SCUBE1: variants seen among roughly 807,000 people sequenced by gnomAD.
SCUBE1 encodes signal peptide, CUB domain and EGF like domain containing 1, also known as signal peptide, CUB and EGF-like domain-containing protein 1.
Under a neutral mutation model 124.4 loss-of-function variants are expected in SCUBE1, and 59 were observed. The ratio of observed to expected loss-of-function variants is 0.47; its 90% CI spans 0.38 to 0.59. SCUBE1 has a LOEUF of 0.59. SCUBE1 is among the 20% of genes least tolerant of loss of function. The pLI, the probability that SCUBE1 is intolerant of heterozygous loss-of-function variation, is 0.00. For synonymous variants in SCUBE1, 545 were observed against 550.9 expected (o/e 0.99, Z 0.15); for missense variants, 1,150 against 1,371.2 (o/e 0.84, Z 2.55).
intron 2 of SCUBE1, among the ~76,000 whole-genome samples, chr22:43,336,176 C>T (rs374667455): frequency 4.6e-5 from 7 of 152,082 alleles, no homozygotes; most frequent in Admixed American, 6.5e-5. Flanking sequence ...ATTTTTGGCC[C>T]GCACAACCAA....
At chr22:43,236,341 T>C (rs899704926) in intron 7 of SCUBE1, among the ~76,000 whole-genome samples, 1 of 152,236 alleles carries the variant, frequency 6.6e-6, no homozygotes, top group African/African-American at 2.4e-5. Context: ...CCCTTGGTGC[T>C]GAAATGTGGG....
chr22:43,300,979 C>A (rs1439744505), intron 3 of SCUBE1, among the ~76,000 whole-genome samples: 1 of 152,166 alleles, frequency 6.6e-6, no homozygotes, highest in Admixed American at 6.5e-5. Context: ...AAGTCCCCCT[C>A]CCACAAAAGC....
chr22:43,204,629 T>A (rs1335390115), intron 21 of SCUBE1, among the ~76,000 whole-genome samples: 4 of 151,770 alleles, frequency 2.6e-5, no homozygotes, highest in African/African-American at 9.7e-5. Context: ...ATCATTGGCA[T>A]TAACTCTTGG....
chr22:43,232,014 T>G, intron 7 of SCUBE1, 139 bp from the exon 8 acceptor site: 2 of 959,124 alleles, frequency 2.1e-6, no homozygotes, highest in Non-Finnish European at 1.6e-6. Context: ...GGCTGCTGGC[T>G]CCCCAGCTGT....
At chr22:43,228,353 T>A (rs1431543695) in intron 9 of SCUBE1, among the ~76,000 whole-genome samples, 1 of 152,156 alleles carries the variant, frequency 6.6e-6, no homozygotes, top group Non-Finnish European at 1.5e-5. Flanking sequence ...CAGTGCATGC[T>A]CCCATGCCTG....
rs752889015 is a variant in SCUBE1 at position 43,227,432 on chromosome 22, G to A, written c.1149C>T (p.Ser383=). ...TCCCCGGGGGACAGACGCACTCGTAGCTGCCCTTGGTGTTGACGCAGCCCT... is the reference window on the plus strand; with the variant it reads ...TCCCCGGGGGACAGACGCACTCGTAACTGCCCTTGGTGTTGACGCAGCCCT... ...CDQGCVNTKG[S]YECVCPPGRR... is the part of the protein sequence containing the mutation. The change falls in exon 10 of 22, where the codon AGC becomes AGT. Residue 383 remains serine (S), a synonymous_variant. Coordinates refer to ENST00000360835, the MANE Select transcript of SCUBE1 (RefSeq NM_173050.5). 2 of 1,613,202 alleles carry A rather than the reference G, an allele frequency of 1.2e-6. No individual in the cohort carries two copies. The highest frequency in any genetic ancestry group is 1.7e-6 in the Non-Finnish European group (2 of 1,179,906).
intron 4 of SCUBE1, among the ~76,000 whole-genome samples, chr22:43,290,337 A>G (rs1017240444): frequency 6.6e-6 from 1 of 151,716 alleles, no homozygotes; most frequent in Non-Finnish European, 1.5e-5. Flanking sequence ...CTCCAAGCAC[A>G]TGTGTCCTGG....
Position 43,339,177 on chromosome 22 carries a change from G to T in SCUBE1, c.147C>A (p.Ile49=). 6.2e-7 allele frequency: 1 copy of T among 1,613,922 alleles called. No homozygotes were observed. The highest frequency in any genetic ancestry group is 8.5e-7 in the Non-Finnish European group (1 of 1,179,838). ...EGTDDCHIDA[I]CQNTPKSYKC... is the part of the protein sequence containing the mutation. ...TGTAGGACTTGGGCGTGTTCTGACAGATGGCATCGATGTGGCAGTCATCTG... is the reference window on the plus strand; with the variant it reads ...TGTAGGACTTGGGCGTGTTCTGACATATGGCATCGATGTGGCAGTCATCTG... Residue 49 remains isoleucine (I), a synonymous_variant, in exon 2 of 22, where the codon ATC becomes ATA. Transcript: ENST00000360835.
rs1011370318 is a variant in SCUBE1 at position 43,198,589 on chromosome 22, C to T, written c.*5408G>A. 2 of 456,658 alleles carry T rather than the reference C, an allele frequency of 4.4e-6. No homozygotes were observed. The highest frequency in any genetic ancestry group is 4.7e-5 in the Admixed American group (2 of 42,562). 28.3% of individuals were successfully genotyped at this position (456,658 alleles called of 1,614,324 possible). A position where few individuals can be genotyped will look rare whatever the true frequency, so the allele number is the denominator to read the frequency against. On this transcript the variant is annotated 3_prime_UTR_variant, in exon 22 of 22. Transcript: ENST00000360835. ...ACTCCACCCCTCATTACATCCTCTGCCCTTGGCCTGAATGATGTCGGCTCG... is the reference window on the plus strand; with the variant it reads ...ACTCCACCCCTCATTACATCCTCTGTCCTTGGCCTGAATGATGTCGGCTCG...
At position 43,290,271 on chromosome 22, in the gene SCUBE1, C is replaced by T. The variant is rs1925308312; in HGVS notation, c.484+775G>A. On this transcript the variant is annotated intron_variant, in intron 4 of 21. Transcript: ENST00000360835. ...CAAGCACATGTGTCCTGGCCCTCTC[C>T]TCCAAGCACATGTGTCCTGGCTCTC... is the stretch of plus-strand genomic sequence containing the variant. Among the ~76,000 whole-genome samples, 3 of 151,818 alleles carry T rather than the reference C, an allele frequency of 2.0e-5. No individual in the cohort carries two copies. The South Asian group carries it at 6.3e-4, about 32-fold the overall frequency.
intron 6 of SCUBE1, among the ~76,000 whole-genome samples, chr22:43,246,638 G>A (rs1923223389): frequency 6.6e-6 from 1 of 152,254 alleles, no homozygotes; most frequent in Non-Finnish European, 1.5e-5. Context: ...ACTAAACCTT[G>A]CAGGTTGCCG....
chr22:43,215,203 G>A (rs910748850), intron 15 of SCUBE1, among the ~76,000 whole-genome samples: 13 of 152,162 alleles, frequency 8.5e-5, no homozygotes, highest in African/African-American at 1.9e-4. Context: ...GGGGAGGCTC[G>A]CAGCATGTGT....
At chr22:43,329,217 G>A (rs1453179341) in intron 2 of SCUBE1, among the ~76,000 whole-genome samples, 1 of 152,256 alleles carries the variant, frequency 6.6e-6, no homozygotes, top group Non-Finnish European at 1.5e-5. Context: ...AAACTCTCGT[G>A]CTCCTGCCTA....
chr22:43,206,634 G>C lies in SCUBE1; in HGVS notation c.2814+900C>G, dbSNP rs150610053. On this transcript the variant is annotated intron_variant, in intron 21 of 21. Coordinates refer to ENST00000360835, the MANE Select transcript of SCUBE1 (RefSeq NM_173050.5). The stretch of plus-strand genomic sequence containing the variant: ...GTCCCAGCTGAGGGCGGAAGGATGG[G>C]GGGAAAGAGGTGGGGGAAAGAAGGG... Among the ~76,000 whole-genome samples, 9 of 127,842 alleles carry C rather than the reference G, an allele frequency of 7.0e-5. No homozygotes were observed. In the East Asian group the frequency reaches 1.8e-3, roughly 25 times the overall value. The allele number at this position is 127,842 out of a possible 152,430, so 83.9% of individuals were successfully genotyped here. A position where few individuals can be genotyped will look rare whatever the true frequency, so the allele number is the denominator to read the frequency against.
At chr22:43,251,862 A>AG (rs1236134678) in intron 6 of SCUBE1, among the ~76,000 whole-genome samples, 61 of 152,284 alleles carry the variant, frequency 4.0e-4, no homozygotes, top group African/African-American at 1.5e-3. Flanking sequence ...TGCTCCAGGG[A>AG]GAGGGGCTTG....
intron 4 of SCUBE1, among the ~76,000 whole-genome samples, chr22:43,277,590 G>A (rs1924583954): frequency 6.6e-6 from 1 of 152,218 alleles, no homozygotes; most frequent in Admixed American, 6.5e-5. Flanking sequence ...GCAAATCTTG[G>A]CTTTGCTACT....
chr22:43,220,677 G>T, intron 13 of SCUBE1, 90 bp from the exon 14 acceptor site: 1 of 1,494,706 alleles, frequency 6.7e-7, no homozygotes, highest in Non-Finnish European at 9.1e-7. Context: ...CCATTGGCAA[G>T]GACTTCCTGG....
chr22:43,214,370 G>A (rs2146659098), intron 15 of SCUBE1, 119 bp from the exon 16 acceptor site: 2 of 959,928 alleles, frequency 2.1e-6, no homozygotes, highest in Non-Finnish European at 1.5e-6. Context: ...GGGGCCCCAA[G>A]GACACAGAGG....
intron 3 of SCUBE1, among the ~76,000 whole-genome samples, chr22:43,292,074 G>A (rs1438925200): frequency 6.6e-6 from 1 of 152,118 alleles, no homozygotes; most frequent in East Asian, 1.9e-4. Flanking sequence ...CACGAGCCCC[G>A]TCTCTTGACT....
Sources: gnomAD v4.1 joint callset for allele counts (sites outside exome capture counted in the v4.1 genomes callset) on GRCh38, gnomAD v4.1.1 for gene constraint, MANE v1.5 for transcripts, NCBI Gene and HGNC (gene_info 2026-07-23, HGNC 2026-07-21) for gene names.